STAG2: variants seen among roughly 807,000 people sequenced by gnomAD.
STAG2 encodes cohesin subunit SA-2.
In STAG2, 14 loss-of-function variants were observed where a neutral mutation model predicts 108.1. That is an observed-to-expected ratio of 0.13 (90% confidence interval 0.09 to 0.20). The LOEUF is 0.20. STAG2 is among the 10% of genes least tolerant of loss of function. The pLI, the probability that STAG2 is intolerant of heterozygous loss-of-function variation, is 1.00. For missense variants in STAG2, 440 were observed against 940.9 expected (o/e 0.47, Z 6.96); for synonymous variants, 307 against 302.7 (o/e 1.01, Z -0.15).
chrX:124,032,964 T>C (rs1391464740), intron 5 of STAG2, among the ~76,000 whole-genome samples: 1 of 112,597 alleles, frequency 8.9e-6, no homozygotes, highest in East Asian at 2.8e-4. Flanking sequence ...CAAATGAGGC[T>C]AATAAAGAAC....
intron 1 of STAG2, among the ~76,000 whole-genome samples, chrX:123,997,400 T>C (rs1164355168): frequency 9.0e-6 from 1 of 111,534 alleles, no homozygotes; most frequent in East Asian, 2.8e-4. Context: ...CTACCATCTG[T>C]TTCTAGCAAC....
intron 13 of STAG2, among the ~76,000 whole-genome samples, chrX:124,053,588 T>C (rs1345160942): frequency 9.0e-6 from 1 of 111,473 alleles, no homozygotes; most frequent in Non-Finnish European, 1.9e-5. Flanking sequence ...TCATGTATTA[T>C]AAAATCATAG....
chrX:123,985,083 A>T (rs1026083517), intron 1 of STAG2, among the ~76,000 whole-genome samples: 4 of 112,148 alleles, frequency 3.6e-5, no homozygotes, highest in African/African-American at 9.7e-5. Flanking sequence ...TGTCAGTATT[A>T]CTGTAGAATA....
intron 5 of STAG2, among the ~76,000 whole-genome samples, chrX:124,035,756 A>G (rs1021475694): frequency 9.0e-6 from 1 of 111,217 alleles, no homozygotes; most frequent in Non-Finnish European, 1.9e-5. Context: ...TGGCCTTTCT[A>G]TGTGGCTACG....
At chrX:123,972,866 C>CAAAAAAA (rs747333406) in intron 1 of STAG2, among the ~76,000 whole-genome samples, 187 of 21,914 alleles carry the variant, frequency 8.5e-3, no homozygotes, top group African/African-American at 0.024. Context: ...ACCAAAAATA[C>CAAAAAAA]AAAAAAAAAA....
intron 1 of STAG2, among the ~76,000 whole-genome samples, chrX:124,011,666 G>T (rs1156583210): frequency 9.0e-6 from 1 of 111,504 alleles, no homozygotes; most frequent in African/African-American, 3.3e-5. Context: ...GTCCACATCT[G>T]ATGAGAGTCT....
chrX:124,058,534 T>C (rs1031754309), intron 15 of STAG2, among the ~76,000 whole-genome samples: 1 of 112,742 alleles, frequency 8.9e-6, no homozygotes, highest in Non-Finnish European at 1.9e-5. Flanking sequence ...AAAATCCTAA[T>C]TGTCAGTTGG....
At chrX:124,093,602 G>C (rs1439385486) in intron 32 of STAG2, among the ~76,000 whole-genome samples, 4 of 109,130 alleles carry the variant, frequency 3.7e-5, no homozygotes, top group African/African-American at 1.3e-4. Context: ...GTGATGATGG[G>C]TAAAATTAGC....
intron 1 of STAG2, among the ~76,000 whole-genome samples, chrX:123,965,044 A>G (rs1422657857): frequency 9.3e-6 from 1 of 107,487 alleles, no homozygotes; most frequent in Admixed American, 1.0e-4. Flanking sequence ...TTAAAAATAC[A>G]TGTCACAGTT....
chrX:124,089,780 T>G (rs1394619234), intron 30 of STAG2, among the ~76,000 whole-genome samples: 1 of 111,324 alleles, frequency 9.0e-6, no homozygotes, highest in Non-Finnish European at 1.9e-5. Flanking sequence ...TGCTACCCTT[T>G]CAATCTTTAT....
chrX:124,098,184 G>A (rs1163529528), intron 34 of STAG2, among the ~76,000 whole-genome samples: 1 of 110,520 alleles, frequency 9.0e-6, no homozygotes, highest in Non-Finnish European at 1.9e-5. Context: ...TACAACTGAG[G>A]GGCTTTTATT....
At chrX:123,979,791 T>C in intron 1 of STAG2, among the ~76,000 whole-genome samples, 1 of 111,653 alleles carries the variant, frequency 9.0e-6, no homozygotes, top group East Asian at 2.8e-4. Flanking sequence ...AGTGACCATT[T>C]ATAGTGTATT....
chrX:124,041,429 G>A (rs754317731), intron 6 of STAG2, among the ~76,000 whole-genome samples: 11 of 109,148 alleles, frequency 1.0e-4, no homozygotes, highest in African/African-American at 2.0e-4. Flanking sequence ...ACAGGCGCGC[G>A]CACACACACA....
At chrX:124,067,211 T>C (rs1489116695) in intron 23 of STAG2, among the ~76,000 whole-genome samples, 1 of 111,452 alleles carries the variant, frequency 9.0e-6, no homozygotes, top group African/African-American at 3.3e-5. Context: ...TATCTACAAA[T>C]GGATTTTTCC....
chrX:124,071,962 A>G (rs781566937), intron 25 of STAG2, among the ~76,000 whole-genome samples: 2 of 111,243 alleles, frequency 1.8e-5, no homozygotes, highest in African/African-American at 3.3e-5. Context: ...AAAAGAAGTG[A>G]TATTTGGCGG....
intron 5 of STAG2, among the ~76,000 whole-genome samples, chrX:124,032,319 C>T (rs1246248272): frequency 1.8e-5 from 2 of 111,581 alleles, no homozygotes; most frequent in Non-Finnish European, 3.8e-5. Flanking sequence ...TCGAATCATT[C>T]GAATTATGTT....
At chrX:123,966,979 G>A (rs2054124436) in intron 1 of STAG2, among the ~76,000 whole-genome samples, 1 of 110,244 alleles carries the variant, frequency 9.1e-6, no homozygotes. Context: ...TTGCCTCCCG[G>A]GTTCAAGTGA....
intron 1 of STAG2, among the ~76,000 whole-genome samples, chrX:123,974,815 G>C (rs1412216008): frequency 1.9e-5 from 2 of 103,277 alleles, no homozygotes; most frequent in African/African-American, 7.2e-5. Flanking sequence ...CTGATGTAGT[G>C]ATCCGCCCGC....
chrX:124,027,679 A>G (rs1037757292), intron 4 of STAG2, among the ~76,000 whole-genome samples: 4 of 111,826 alleles, frequency 3.6e-5, no homozygotes, highest in African/African-American at 9.8e-5. Flanking sequence ...TGTGCTAACA[A>G]TTTCACATGT....
Sources: gnomAD v4.1 joint callset for allele counts (sites outside exome capture counted in the v4.1 genomes callset) on GRCh38, gnomAD v4.1.1 for gene constraint, MANE v1.5 for transcripts, NCBI Gene and HGNC (gene_info 2026-07-23, HGNC 2026-07-21) for gene names.